TBC1D2B: variants seen among roughly 807,000 people sequenced by gnomAD.
The protein encoded by TBC1D2B is TBC1 domain family, member 2B.
In TBC1D2B, 64 loss-of-function variants were observed where a neutral mutation model predicts 100.8. The observed-to-expected ratio is 0.64, with a 90% CI of 0.52 to 0.78. TBC1D2B has a LOEUF of 0.78. TBC1D2B is among the 30% of genes least tolerant of loss of function. The pLI is 0.00. For missense variants in TBC1D2B, 1,052 were observed against 1,218.4 expected, an observed-to-expected ratio of 0.86 and a Z score of 2.03; for synonymous variants, 480 against 479.7, an observed-to-expected ratio of 1.00 and a Z score of -0.01.
Position 78,071,229 on chromosome 15 carries a change from A to G in TBC1D2B, c.360+6064T>C, listed in dbSNP as rs189056728. Among the ~76,000 whole-genome samples, 9 of 152,342 alleles carry G rather than the reference A, an allele frequency of 5.9e-5. No homozygotes were observed. In the East Asian group the frequency reaches 1.5e-3, roughly 26 times the overall value. ...GTGATCCTCCCATTTCGGCCTCCCA[A>G]AGTGCTGGGATTACAGGAGTGAGCC... On this transcript the variant is annotated intron_variant, in intron 1 of 12. Transcript: ENST00000300584.
At chr15:78,034,622 T>C (rs1266096094) in intron 3 of TBC1D2B, 10 of 984,480 alleles carry the variant, frequency 1.0e-5, no homozygotes, top group Non-Finnish European at 1.2e-5. Context: ...CACACCCTCC[T>C]TCCTCCCACC....
At chr15:78,000,768 G>A (rs569674789) in intron 12 of TBC1D2B, among the ~76,000 whole-genome samples, 1 of 152,372 alleles carries the variant, frequency 6.6e-6, no homozygotes, top group Admixed American at 6.5e-5. Context: ...CAATGACTGT[G>A]TGGTCAGGGA....
intron 3 of TBC1D2B, among the ~76,000 whole-genome samples, chr15:78,036,446 T>A (rs1282405801): frequency 2.0e-4 from 30 of 152,178 alleles, no homozygotes; most frequent in Admixed American, 2.0e-3. Flanking sequence ...GATTAGGCCA[T>A]GAAGGCTCAG....
At chr15:78,040,885 AGAG>A (rs1567026285) in intron 3 of TBC1D2B, among the ~76,000 whole-genome samples, 32 of 144,852 alleles carry the variant, frequency 2.2e-4, no homozygotes, top group Middle Eastern at 3.5e-3. Flanking sequence ...AAAGAAAGAG[AGAG>A]AGAGAGAAAG....
At chr15:78,005,512 A>G (rs561431680) in intron 10 of TBC1D2B, among the ~76,000 whole-genome samples, 1 of 152,330 alleles carries the variant, frequency 6.6e-6, no homozygotes, top group East Asian at 1.9e-4. Flanking sequence ...CGCAATGGCC[A>G]TCGATAAGTG....
chr15:78,039,566 T>C (rs1212131679), intron 3 of TBC1D2B, among the ~76,000 whole-genome samples: 1 of 152,014 alleles, frequency 6.6e-6, no homozygotes, highest in Non-Finnish European at 1.5e-5. Flanking sequence ...TCCACCTGAC[T>C]CAAGGAAGTG....
intron 3 of TBC1D2B, among the ~76,000 whole-genome samples, chr15:78,037,875 G>A (rs1329967151): frequency 2.0e-5 from 3 of 152,146 alleles, no homozygotes; most frequent in Non-Finnish European, 4.4e-5. Context: ...TACATACAAA[G>A]ATGTGTATTT....
Position 78,044,890 on chromosome 15 carries a change from A to G in TBC1D2B, c.683+10T>C, listed in dbSNP as rs767550366. On this transcript the variant is annotated intron_variant, in intron 3 of 12. Transcript: ENST00000300584. ...TTTTCAATTTCATATGCTGCTTTCT[A>G]AAGACTCACTTGAGCTCATTGCCCC... 1 of 1,590,656 alleles carries G rather than the reference A, an allele frequency of 6.3e-7. No homozygotes were observed. Among genetic ancestry groups the G allele is most frequent in the Non-Finnish European group, 8.6e-7 (1 of 1,165,870 alleles).
At position 78,009,063 on chromosome 15, in the gene TBC1D2B, A is replaced by G. The variant is rs749847311; in HGVS notation, c.2322T>C (p.Cys774=). 1.2e-6 allele frequency: 2 copies of G among 1,609,176 alleles called. No homozygotes were observed. The highest frequency in any genetic ancestry group is 1.1e-5 in the South Asian group (1 of 89,780). Residue 774 remains cysteine (C), a synonymous_variant, in exon 10 of 13, where the codon TGT becomes TGC. Coordinates refer to ENST00000300584, the MANE Select transcript of TBC1D2B (RefSeq NM_144572.2). The part of the protein sequence containing the change: ...LYLEQEDAFW[C]LVTIVEVFMP... Reference sequence around the variant, plus strand: ...TGAAAACTTCCACTATGGTAACGAGACACCAGAAAGCATCTTCTTGTTCCA... The same window carrying G: ...TGAAAACTTCCACTATGGTAACGAGGCACCAGAAAGCATCTTCTTGTTCCA...
chr15:77,998,471 G>T, intron 12 of TBC1D2B, 116 bp from the exon 13 acceptor site: 1 of 947,912 alleles, frequency 1.1e-6, no homozygotes, highest in Non-Finnish European at 1.5e-6. Flanking sequence ...CGCTGGCCAG[G>T]CTTGGGGCCT....
chr15:78,020,533 T>C (rs2072491421), intron 6 of TBC1D2B, among the ~76,000 whole-genome samples: 1 of 152,142 alleles, frequency 6.6e-6, no homozygotes, highest in South Asian at 2.1e-4. Flanking sequence ...ACAATACCTA[T>C]GAGGAAAATA....
intron 8 of TBC1D2B, 69 bp downstream of exon 8, chr15:78,016,477 G>C: frequency 6.8e-7 from 1 of 1,460,352 alleles, no homozygotes; most frequent in South Asian, 1.2e-5. Flanking sequence ...TCTGCGAATG[G>C]TTCCTGCTGT....
rs181892261 is a variant in TBC1D2B at position 78,008,137 on chromosome 15, G to C, written c.2388+860C>G. Among the ~76,000 whole-genome samples the C allele has an allele frequency of 2.3e-3, 348 of 152,342 alleles. 3 individuals carry two copies. Among genetic ancestry groups the C allele is most frequent in the African/African-American group, 8.0e-3 (332 of 41,590 alleles). The stretch of plus-strand genomic sequence containing the variant: ...GCCGGCTTACGGGGAAGCCAGTGCT[G>C]GCAGCAGCCCCAGCCCAGCCTAGGG... On this transcript the variant is annotated intron_variant, in intron 10 of 12. Coordinates refer to ENST00000300584, the MANE Select transcript of TBC1D2B (RefSeq NM_144572.2).
intron 4 of TBC1D2B, among the ~76,000 whole-genome samples, chr15:78,026,278 A>G (rs1596315215): frequency 6.6e-6 from 1 of 152,230 alleles, no homozygotes; most frequent in East Asian, 1.9e-4. Flanking sequence ...TGATTAGGTC[A>G]TGAGGACTCT....
chr15:78,007,949 C>T (rs1056332416), intron 10 of TBC1D2B, among the ~76,000 whole-genome samples: 1 of 152,244 alleles, frequency 6.6e-6, no homozygotes, highest in South Asian at 2.1e-4. Flanking sequence ...CAGGGCCAGG[C>T]CTTGCAACAC....
rs143780214 is a variant in TBC1D2B at position 78,025,853 on chromosome 15, A to G, written c.848-356T>C. On this transcript the variant is annotated intron_variant, in intron 4 of 12. Coordinates refer to ENST00000300584, the MANE Select transcript of TBC1D2B (RefSeq NM_144572.2). ...AACTTGTATTTTAAACAAAAACCAC[A>G]TCTTCCTTTTGGAAACTATAACAAA... Among the ~76,000 whole-genome samples, 817 of 152,130 alleles carry G rather than the reference A, an allele frequency of 5.4e-3. 3 individuals carry two copies. The highest frequency in any genetic ancestry group is 0.01 in the Admixed American group (155 of 15,256).
chr15:78,077,605 C>G lies in TBC1D2B; in HGVS notation c.48G>C (p.Glu16Asp). The change falls in exon 1 of 13, where the codon GAG (glutamate) becomes GAC (aspartate). Residue 16 changes from glutamate to aspartate, a missense_variant. Transcript: ENST00000300584. ...CCGCGGCCGCCCCCTGCGCCGCGCC[C>G]TCGCCGCCGCCGCCGCCCTCCTCCG... ...ARAEEGGGGGEGAAQGAAAEP... is the reference protein window; with the variant it reads ...ARAEEGGGGGDGAAQGAAAEP... 1 of 1,073,468 alleles carries G rather than the reference C, an allele frequency of 9.3e-7. No homozygotes were observed. Among genetic ancestry groups the G allele is most frequent in the Non-Finnish European group, 1.1e-6 (1 of 886,258 alleles). 66.5% of individuals were successfully genotyped at this position (1,073,468 alleles called of 1,614,324 possible).
chr15:78,017,919 T>C lies in TBC1D2B; in HGVS notation c.1509A>G (p.Leu503=). 1 of 1,609,936 alleles carries C rather than the reference T, an allele frequency of 6.2e-7. No individual in the cohort carries two copies. The highest frequency in any genetic ancestry group is 1.1e-5 in the South Asian group (1 of 90,260). The change falls in exon 7 of 13, where the codon CTA becomes CTG. Residue 503 remains leucine, a synonymous_variant. Transcript: ENST00000300584. ...CTGAGAGTTCCAAAATCTCCTTATT[T>C]AGAAATTTGTTTTGGGTTTTGTACC... ...LQGYKTQNKF[L]NKEILELSAL...
intron 1 of TBC1D2B, among the ~76,000 whole-genome samples, chr15:78,073,389 T>C (rs562265055): frequency 7.5e-4 from 115 of 152,390 alleles, no homozygotes; most frequent in Middle Eastern, 3.4e-3. Flanking sequence ...AGAAAAGTGC[T>C]GATTTTTCTT....
Sources: gnomAD v4.1 joint callset for allele counts (sites outside exome capture counted in the v4.1 genomes callset) on GRCh38, gnomAD v4.1.1 for gene constraint, MANE v1.5 for transcripts, NCBI Gene and HGNC (gene_info 2026-07-23, HGNC 2026-07-21) for gene names.